The following IL21R variants were observed in gnomAD, a reference collection of about 807,000 sequenced individuals.
The protein encoded by IL21R is interleukin 21 receptor, also known as interleukin-21 receptor.
In IL21R, 14 loss-of-function variants were observed where a neutral mutation model predicts 41.3. The observed-to-expected ratio is 0.34, with a 90% confidence interval of 0.22 to 0.53. The LOEUF (loss-of-function observed/expected upper bound fraction) is 0.53, where lower values mean the gene tolerates loss of function less well. Among genes scored for constraint, IL21R ranks in the 20% least tolerant of loss-of-function variants. The pLI is 0.94. For synonymous variants in IL21R, 286 were observed against 287.6 expected, an observed-to-expected ratio of 0.99 and a Z score of 0.05; for missense variants, 588 against 681.6, an observed-to-expected ratio of 0.86 and a Z score of 1.53.
chr16:27,407,390 T>C (rs566064974), intron 1 of IL21R, among the ~76,000 whole-genome samples: 167 of 152,282 alleles, frequency 1.1e-3, no homozygotes, highest in African/African-American at 3.8e-3. Flanking sequence ...CCAGTTCAGA[T>C]AGGGTTGCCT....
At chr16:27,434,908 A>ACCCTATGCAGC (rs1415722467) in intron 3 of IL21R, among the ~76,000 whole-genome samples, 2 of 152,110 alleles carry the variant, frequency 1.3e-5, no homozygotes, top group Non-Finnish European at 1.5e-5. Flanking sequence ...TCCCTTTTAG[A>ACCCTATGCAGC]CCCTATGCAG....
In IL21R at chr16:27,446,279, G is replaced by A. The variant is rs186439152; in HGVS notation, c.867+191G>A. The stretch of plus-strand genomic sequence containing the variant: ...CAGTCATTCTTGTGGTGCAGAATTG[G>A]CAGAAGAATTAAACAAGATTTGACC... On this transcript the variant is annotated intron_variant, in intron 8 of 8. Transcript: ENST00000337929. 2.0e-5 allele frequency among the ~76,000 whole-genome samples: 3 copies of A among 152,266 alleles called. No individual in the cohort carries two copies. The East Asian group carries it at 5.8e-4, about 29-fold the overall frequency.
rs3093385 is a variant in IL21R at position 27,448,620 on chromosome 16, C to G, written c.954C>G (p.Ser318Arg). Reference sequence around the variant, plus strand: ...TGCCCTCCACCCTGGAGGTGTACAGCTGCCACCCACCACGGAGCCCGGCCA... The same window carrying G: ...TGCCCTCCACCCTGGAGGTGTACAGGTGCCACCCACCACGGAGCCCGGCCA... ...PEVPSTLEVY[S>R]CHPPRSPAKR... The change falls in exon 9 of 9, where the codon AGC (serine) becomes AGG (arginine). Residue 318 changes from serine to arginine, a missense_variant. Ser to Arg is a moderately radical substitution (Grantham distance 110). Transcript: ENST00000337929. The G allele has an allele frequency of 7.8e-4, 1,254 of 1,613,116 alleles. 6 individuals carry two copies. The African/African-American group carries it at 0.015, about 19-fold the overall frequency.
chr16:27,421,109 G>A (rs956816292), intron 1 of IL21R, among the ~76,000 whole-genome samples: 6 of 151,748 alleles, frequency 4.0e-5, no homozygotes, highest in Admixed American at 1.3e-4. Flanking sequence ...ATCAAGAATC[G>A]GTTAAACATA....
intron 1 of IL21R, among the ~76,000 whole-genome samples, chr16:27,414,349 T>C (rs1182737748): frequency 6.6e-6 from 1 of 152,118 alleles, no homozygotes; most frequent in Non-Finnish European, 1.5e-5. Context: ...AAATTGATTA[T>C]GGTTTCTAAA....
intron 8 of IL21R, 60 bp downstream of exon 8, chr16:27,446,148 C>T (rs909831243): frequency 1.0e-5 from 14 of 1,389,844 alleles, no homozygotes; most frequent in Admixed American, 9.0e-5. Context: ...AGGAGCCCCA[C>T]CTCCCCTCAC....
At chr16:27,431,315 G>A (rs1169352247) in intron 2 of IL21R, among the ~76,000 whole-genome samples, 1 of 152,196 alleles carries the variant, frequency 6.6e-6, no homozygotes. Context: ...TCTGGCGGGT[G>A]CAGATAACAA....
At chr16:27,421,545 C>T (rs1457878232) in intron 1 of IL21R, among the ~76,000 whole-genome samples, 1 of 152,032 alleles carries the variant, frequency 6.6e-6, no homozygotes. Flanking sequence ...TAAACAAATT[C>T]ATCTCATATT....
chr16:27,427,897 A>G (rs1040173431), intron 1 of IL21R, among the ~76,000 whole-genome samples: 3 of 152,212 alleles, frequency 2.0e-5, no homozygotes, highest in African/African-American at 7.2e-5. Context: ...ATCTACCTCA[A>G]CATTATTTTA....
At chr16:27,432,857 G>T (rs2087199002) in intron 2 of IL21R, among the ~76,000 whole-genome samples, 1 of 152,268 alleles carries the variant, frequency 6.6e-6, no homozygotes, top group South Asian at 2.1e-4. Context: ...CTAGGGGAGG[G>T]AGTGCTGTGA....
intron 1 of IL21R, among the ~76,000 whole-genome samples, chr16:27,405,158 G>A (rs926535635): frequency 1.3e-5 from 2 of 151,390 alleles, no homozygotes; most frequent in Non-Finnish European, 1.5e-5. Flanking sequence ...TCAGCCTCCC[G>A]AGTAGCTGGG....
chr16:27,409,479 C>T (rs929807543), intron 1 of IL21R, among the ~76,000 whole-genome samples: 10 of 151,938 alleles, frequency 6.6e-5, no homozygotes, highest in African/African-American at 2.4e-4. Flanking sequence ...GTGTTTTCTT[C>T]TAGACGATTT....
At chr16:27,413,257 G>A (rs1225157110) in intron 1 of IL21R, among the ~76,000 whole-genome samples, 4 of 152,028 alleles carry the variant, frequency 2.6e-5, no homozygotes, top group African/African-American at 9.7e-5. Flanking sequence ...TTAATTTCAT[G>A]TATTACATTT....
chr16:27,432,299 C>T (rs3093311), intron 2 of IL21R, among the ~76,000 whole-genome samples: 3 of 152,206 alleles, frequency 2.0e-5, no homozygotes, highest in Non-Finnish European at 2.9e-5. Context: ...GCAGTGTCTC[C>T]GGCTTACACA....
At chr16:27,433,605 C>T (rs550901300) in intron 2 of IL21R, among the ~76,000 whole-genome samples, 13 of 152,286 alleles carry the variant, frequency 8.5e-5, no homozygotes, top group African/African-American at 2.6e-4. Context: ...GATGATTGCA[C>T]CCCTGTTTTA....
Position 27,449,374 on chromosome 16 carries a change from G to A in IL21R, c.*91G>A. 1 of 1,349,126 alleles carries A rather than the reference G, an allele frequency of 7.4e-7. No homozygotes were observed. The highest frequency in any genetic ancestry group is 1.0e-6 in the Non-Finnish European group (1 of 1,002,736). The allele number at this position is 1,349,126 out of a possible 1,614,324, so 83.6% of individuals were successfully genotyped here. ...GGGCTGTGATGTGAAGACACCTGCA[G>A]CCTTTGGTCTCCTGGATGGGCCTTT... On this transcript the variant is annotated 3_prime_UTR_variant, in exon 9 of 9. Transcript: ENST00000337929.
chr16:27,418,427 G>C (rs2086936524), intron 1 of IL21R, among the ~76,000 whole-genome samples: 1 of 151,818 alleles, frequency 6.6e-6, no homozygotes, highest in Non-Finnish European at 1.5e-5. Flanking sequence ...GGAGTGCAGT[G>C]TCGCGATCTC....
intron 4 of IL21R, among the ~76,000 whole-genome samples, chr16:27,442,008 T>C (rs2087395989): frequency 6.6e-6 from 1 of 152,140 alleles, no homozygotes; most frequent in Non-Finnish European, 1.5e-5. Flanking sequence ...TGAGATCCTG[T>C]CTCTAGGGGG....
At chr16:27,418,650 A>T (rs140901978) in intron 1 of IL21R, among the ~76,000 whole-genome samples, 41 of 152,162 alleles carry the variant, frequency 2.7e-4, no homozygotes, top group East Asian at 7.8e-4. Context: ...GATTACAGGC[A>T]TGAGCCGCTG....
Sources: allele counts gnomAD v4.1 joint callset (sites outside exome capture counted in the v4.1 genomes callset), GRCh38; gene constraint gnomAD v4.1.1; transcripts MANE v1.5; gene names NCBI Gene and HGNC (gene_info 2026-07-23, HGNC 2026-07-21).